TTC12: variants seen among roughly 807,000 people sequenced by gnomAD.
TTC12 encodes tetratricopeptide repeat domain 12.
In TTC12, 70 loss-of-function variants were observed where a neutral mutation model predicts 90.1. The ratio of observed to expected loss-of-function variants is 0.78; its 90% CI spans 0.64 to 0.95. The LOEUF is 0.95. TTC12 is among the 40% of genes least tolerant of loss of function. TTC12 has a pLI of 0.00. For missense variants in TTC12, 819 were observed against 846.1 expected (o/e 0.97, Z 0.40); for synonymous variants, 296 against 311.5 (o/e 0.95, Z 0.53).
At position 113,325,644 on chromosome 11, in the gene TTC12, A is replaced by C; in HGVS notation, c.443A>C (p.Gln148Pro). Reference protein sequence around the residue: ...DMKVLYTNRAQAYMKLEDYEK... With the variant: ...DMKVLYTNRAPAYMKLEDYEK... Reference sequence around the variant, plus strand: ...AAAGTGCTGTACACCAACCGAGCCCAGGTCAGTGAGGCAGGGATGTATCCA... The same window carrying C: ...AAAGTGCTGTACACCAACCGAGCCCCGGTCAGTGAGGCAGGGATGTATCCA... Residue 148 changes from glutamine to proline, a missense_variant and splice_region_variant, in exon 6 of 22, where the codon CAG (glutamine) becomes CCG (proline). Transcript: ENST00000529221. The C allele has an allele frequency of 6.2e-7, 1 of 1,613,876 alleles. No homozygotes were observed. The highest frequency in any genetic ancestry group is 8.5e-7 in the Non-Finnish European group (1 of 1,179,792).
chr11:113,315,370 T>G (rs781838142), intron 1 of TTC12, among the ~76,000 whole-genome samples: 4 of 152,180 alleles, frequency 2.6e-5, no homozygotes, highest in Non-Finnish European at 5.9e-5. Flanking sequence ...CTGGTGGAGA[T>G]GAGGACACTG....
chr11:113,370,107 G>T (rs1950342173), downstream of TTC12, among the ~76,000 whole-genome samples: 1 of 152,198 alleles, frequency 6.6e-6, no homozygotes, highest in Admixed American at 6.5e-5. Context: ...CAGGGCTCAG[G>T]GATAGGGTAG....
At chr11:113,349,762 C>G (rs1023646316) in intron 13 of TTC12, among the ~76,000 whole-genome samples, 2 of 152,184 alleles carry the variant, frequency 1.3e-5, no homozygotes, top group Non-Finnish European at 2.9e-5. Flanking sequence ...AGTTAATGAA[C>G]CTGACTGAGC....
intron 7 of TTC12, among the ~76,000 whole-genome samples, chr11:113,330,265 TG>T (rs1468923846): frequency 6.6e-6 from 1 of 152,232 alleles, no homozygotes; most frequent in Non-Finnish European, 1.5e-5. Context: ...TGGTTCTATG[TG>T]GTAGTGGAAA....
intron 5 of TTC12, 90 bp from the exon 6 acceptor site, chr11:113,325,434 C>G (rs1201661240): frequency 5.4e-5 from 82 of 1,509,344 alleles, no homozygotes; most frequent in Non-Finnish European, 7.1e-5. Context: ...TGAAGACCTT[C>G]GAAATAGAAT....
chr11:113,360,002 C>T lies in TTC12; in HGVS notation c.1608C>T (p.Ile536=). Residue 536 remains isoleucine (I), a synonymous_variant, in exon 18 of 22, where the codon ATC becomes ATT. Coordinates refer to ENST00000529221, the MANE Select transcript of TTC12 (RefSeq NM_017868.4). ...TACTAAACAGCCAGGATGGAGGAAT[C>T]CTGACAGTAAGTTTCTCCCAGGGAA... ...LSLLNSQDGG[I]LTRAAGVLSR... 3 of 1,593,678 alleles carry T rather than the reference C, an allele frequency of 1.9e-6. No homozygotes were observed. The Admixed American group carries it at 5.3e-5, about 28-fold the overall frequency.
At chr11:113,358,245 G>A (rs574588767) in intron 16 of TTC12, among the ~76,000 whole-genome samples, 147 of 152,298 alleles carry the variant, frequency 9.7e-4, no homozygotes, top group Admixed American at 1.7e-3. Context: ...CTGCACTCCC[G>A]TGCTCTGGCA....
intron 8 of TTC12, among the ~76,000 whole-genome samples, chr11:113,336,029 A>G (rs1459123990): frequency 2.0e-5 from 3 of 152,190 alleles, no homozygotes; most frequent in Admixed American, 1.3e-4. Context: ...AGAATTTTAC[A>G]TTCCTACCAG....
At chr11:113,319,050 G>A (rs1280001701) in intron 2 of TTC12, among the ~76,000 whole-genome samples, 1 of 152,070 alleles carries the variant, frequency 6.6e-6, no homozygotes, top group Non-Finnish European at 1.5e-5. Context: ...GAAAGGGAGG[G>A]AAGAAAGTAA....
chr11:113,314,745 C>T (rs60462088), intron 1 of TTC12, 127 bp downstream of exon 1: 3,005 of 152,538 alleles, frequency 0.02, 94 homozygotes, highest in African/African-American at 0.069. Flanking sequence ...TCTGGGACGG[C>T]TGCGGTCTGG....
intron 11 of TTC12, among the ~76,000 whole-genome samples, chr11:113,341,476 T>C (rs1212106330): frequency 3.3e-5 from 5 of 152,214 alleles, no homozygotes; most frequent in African/African-American, 4.8e-5. Context: ...TTTGCTAAAG[T>C]GACTGTATTT....
At chr11:113,331,872 G>A (rs1396803832) in intron 7 of TTC12, among the ~76,000 whole-genome samples, 1 of 151,916 alleles carries the variant, frequency 6.6e-6, no homozygotes, top group Non-Finnish European at 1.5e-5. Context: ...TAAACACTTG[G>A]AGAAATGAGA....
intron 2 of TTC12, among the ~76,000 whole-genome samples, chr11:113,318,134 G>T (rs1256073527): frequency 1.3e-5 from 2 of 152,158 alleles, no homozygotes; most frequent in Non-Finnish European, 2.9e-5. Flanking sequence ...TGTTGGTAAG[G>T]CCTAGAGAAT....
intron 5 of TTC12, among the ~76,000 whole-genome samples, 190 bp from the exon 6 acceptor site, chr11:113,325,334 G>T (rs1947616559): frequency 6.6e-6 from 1 of 152,034 alleles, no homozygotes; most frequent in Non-Finnish European, 1.5e-5. Flanking sequence ...GACATGGGTG[G>T]ATTTGGAGGA....
chr11:113,330,936 G>A (rs975454502), intron 7 of TTC12, among the ~76,000 whole-genome samples: 4 of 152,110 alleles, frequency 2.6e-5, no homozygotes, highest in African/African-American at 9.7e-5. Flanking sequence ...CAATTCTTGG[G>A]TACAGCACAC....
chr11:113,343,604 C>T (rs1181267537), intron 12 of TTC12, among the ~76,000 whole-genome samples: 4 of 152,090 alleles, frequency 2.6e-5, no homozygotes, highest in African/African-American at 9.7e-5. Flanking sequence ...GTGATGAGGT[C>T]CAAGTGATGG....
chr11:113,319,895 A>C (rs1395580726), intron 2 of TTC12, among the ~76,000 whole-genome samples: 1 of 152,148 alleles, frequency 6.6e-6, no homozygotes, highest in African/African-American at 2.4e-5. Context: ...GTGAAAGTCA[A>C]CTCTAGGTGA....
intron 11 of TTC12, among the ~76,000 whole-genome samples, 181 bp downstream of exon 11, chr11:113,340,914 A>C (rs782600965): frequency 1.2e-4 from 19 of 152,196 alleles, no homozygotes; most frequent in Non-Finnish European, 2.5e-4. Context: ...GCTTTCCCTC[A>C]AGACATTGGA....
At chr11:113,321,987 A>T (rs945355343) in intron 2 of TTC12, among the ~76,000 whole-genome samples, 15 of 152,244 alleles carry the variant, frequency 9.9e-5, no homozygotes, top group African/African-American at 3.4e-4. Context: ...GGTTTGTTTC[A>T]AACCACTAAG....
Sources: gnomAD v4.1 joint callset for allele counts (sites outside exome capture counted in the v4.1 genomes callset) on GRCh38, gnomAD v4.1.1 for gene constraint, MANE v1.5 for transcripts, NCBI Gene and HGNC (gene_info 2026-07-23, HGNC 2026-07-21) for gene names.